The following SYTL3 variants were observed in gnomAD, a reference collection of about 807,000 sequenced individuals.
SYTL3 encodes synaptotagmin-like protein 3.
In SYTL3, 88 loss-of-function variants were observed where a neutral mutation model predicts 82.1. The observed-to-expected ratio is 1.07, with a 90% CI of 0.90 to 1.28. The LOEUF is 1.28. Ranked by LOEUF, SYTL3 falls within the 50% of genes most tolerant of loss-of-function variation. The pLI is 0.00. For synonymous variants in SYTL3, 311 were observed against 289.4 expected (o/e 1.07, Z -0.76); for missense variants, 831 against 757.6 (o/e 1.10, Z -1.14).
intron 13 of SYTL3, among the ~76,000 whole-genome samples, chr6:158,756,503 A>G (rs905983518): frequency 2.6e-5 from 4 of 152,162 alleles, no homozygotes; most frequent in Non-Finnish European, 5.9e-5. Context: ...TGAGGTCAGG[A>G]GTTCGAGACC....
Position 158,663,345 on chromosome 6 carries a change from A to G in SYTL3, c.77A>G (p.Gln26Arg). 6.2e-7 allele frequency: 1 copy of G among 1,614,018 alleles called. No individual in the cohort carries two copies. Among genetic ancestry groups the G allele is most frequent in the Non-Finnish European group, 8.5e-7 (1 of 1,180,018 alleles). Residue 26 changes from glutamine to arginine, a missense_variant, in exon 4 of 18, where the codon CAG (glutamine) becomes CGG (arginine). Physicochemically the swap from Gln to Arg is conservative, Grantham distance 43. Coordinates refer to ENST00000611299, the MANE Select transcript of SYTL3 (RefSeq NM_001242394.2). ...EAILQVLYRD[Q>R]AVQNTEEERT... ...ATTCTCCAGGTCCTGTACCGAGACC[A>G]GGCGGTTCAAAACACAGAGGAGGAG...
At chr6:158,737,297 C>T (rs1786311392) in intron 11 of SYTL3, among the ~76,000 whole-genome samples, 1 of 152,202 alleles carries the variant, frequency 6.6e-6, no homozygotes, top group Admixed American at 6.5e-5. Context: ...GTGTCAGGGC[C>T]AGGCACTGGA....
chr6:158,760,373 C>T (rs1303439301), intron 14 of SYTL3, among the ~76,000 whole-genome samples: 1 of 152,110 alleles, frequency 6.6e-6, no homozygotes, highest in African/African-American at 2.4e-5. Context: ...GTGCAGTGCC[C>T]TTGAGTCCCT....
At chr6:158,658,546 C>T (rs535871619) in intron 2 of SYTL3, among the ~76,000 whole-genome samples, 2 of 152,312 alleles carry the variant, frequency 1.3e-5, no homozygotes, top group South Asian at 2.1e-4. Flanking sequence ...CTTGATGCTA[C>T]CATAGGATGA....
rs1462562069 is a variant in SYTL3 at position 158,764,352 on chromosome 6, T to TGGC, written c.1724-138_1724-136dup. ...AGCTTTGTTGGGGTGGGAGTGGTGG[T>TGGC]GGCGGCGTCTGTCATCAGTGGTTGG... On this transcript the variant is annotated intron_variant, in intron 17 of 17. Transcript: ENST00000611299. 53 of 605,678 alleles carry TGGC rather than the reference T, an allele frequency of 8.8e-5. No individual in the cohort carries two copies. The East Asian group carries it at 1.4e-3, about 16-fold the overall frequency. The allele number at this position is 605,678 out of a possible 1,614,324, so 37.5% of individuals were successfully genotyped here. A position where few individuals can be genotyped will look rare whatever the true frequency, so the allele number is the denominator to read the frequency against.
chr6:158,758,962 C>G (rs977149052), intron 14 of SYTL3, among the ~76,000 whole-genome samples: 2 of 152,186 alleles, frequency 1.3e-5, no homozygotes, highest in Non-Finnish European at 2.9e-5. Flanking sequence ...GCCTTCCGTG[C>G]CTTCCTCTCA....
chr6:158,749,969 T>G (rs1252417052), intron 12 of SYTL3, among the ~76,000 whole-genome samples: 2 of 152,188 alleles, frequency 1.3e-5, no homozygotes, highest in Non-Finnish European at 2.9e-5. Flanking sequence ...CTTGCACATG[T>G]GCACCATGAG....
chr6:158,654,166 A>G (rs1252098319), intron 2 of SYTL3, among the ~76,000 whole-genome samples: 4 of 152,122 alleles, frequency 2.6e-5, no homozygotes, highest in Non-Finnish European at 5.9e-5. Context: ...CCCTGGTCCC[A>G]CCAGCCCTCT....
chr6:158,677,667 T>G (rs1402732926), intron 5 of SYTL3, among the ~76,000 whole-genome samples: 2 of 136,580 alleles, frequency 1.5e-5, no homozygotes, highest in Non-Finnish European at 3.0e-5. Context: ...ATCATGTCAT[T>G]GCACTCCAGC....
intron 2 of SYTL3, 109 bp from the exon 3 acceptor site, chr6:158,661,160 G>T (rs951627460): frequency 6.6e-6 from 1 of 152,274 alleles, no homozygotes; most frequent in African/African-American, 2.4e-5. Flanking sequence ...GAACTGAGGG[G>T]CAAGTTGAGA....
chr6:158,718,047 T>G, intron 9 of SYTL3, 40 bp from the exon 10 acceptor site: 1 of 1,472,632 alleles, frequency 6.8e-7, no homozygotes, highest in Non-Finnish European at 9.0e-7. Context: ...TCAGCAAAGC[T>G]GCTTGTTCCC....
At chr6:158,648,203 G>T (rs1210938785), upstream of SYTL3, among the ~76,000 whole-genome samples, 1 of 152,196 alleles carries the variant, frequency 6.6e-6, no homozygotes, top group Non-Finnish European at 1.5e-5. Context: ...TGAGGCAGGA[G>T]AATCGCTTGA....
chr6:158,703,363 G>A (rs1243296331), intron 6 of SYTL3, among the ~76,000 whole-genome samples: 2 of 151,992 alleles, frequency 1.3e-5, no homozygotes, highest in South Asian at 2.1e-4. Flanking sequence ...AAAGTCACTC[G>A]CCAGCCAGAC....
chr6:158,764,450 T>C (rs1452870156), intron 17 of SYTL3, 45 bp from the exon 18 acceptor site: 1 of 1,400,314 alleles, frequency 7.1e-7, no homozygotes, highest in Non-Finnish European at 1.0e-6. Context: ...GGGGATGAAG[T>C]GGTGCCCTCC....
chr6:158,648,020 G>A (rs1447252500), upstream of SYTL3, among the ~76,000 whole-genome samples: 11 of 152,234 alleles, frequency 7.2e-5, no homozygotes, highest in Admixed American at 6.5e-4. Context: ...GTGGCTGGGC[G>A]CAGTGGCTCA....
chr6:158,676,409 A>G (rs970347998), intron 5 of SYTL3, among the ~76,000 whole-genome samples: 1 of 152,138 alleles, frequency 6.6e-6, no homozygotes, highest in Non-Finnish European at 1.5e-5. Flanking sequence ...TTAATTCAAC[A>G]TGGATTAAAG....
At chr6:158,719,971 C>T (rs138303461) in intron 10 of SYTL3, among the ~76,000 whole-genome samples, 2 of 152,238 alleles carry the variant, frequency 1.3e-5, no homozygotes, top group South Asian at 2.1e-4. Flanking sequence ...TGTCTATAAT[C>T]CCAGCTACTA....
At chr6:158,683,215 C>CTTTTTTT (rs35183958) in intron 6 of SYTL3, among the ~76,000 whole-genome samples, 2 of 92,110 alleles carry the variant, frequency 2.2e-5, no homozygotes, top group Non-Finnish European at 4.0e-5. Flanking sequence ...GGCCCTATTC[C>CTTTTTTT]TTTTTTTTTT....
intron 6 of SYTL3, among the ~76,000 whole-genome samples, chr6:158,704,912 G>GA (rs775785590): frequency 4.0e-3 from 102 of 25,586 alleles, no homozygotes; most frequent in African/African-American, 8.8e-3. Flanking sequence ...GGGACCCAGG[G>GA]CAGGGTGACA....
Sources: gnomAD v4.1 joint callset for allele counts (sites outside exome capture counted in the v4.1 genomes callset) on GRCh38, gnomAD v4.1.1 for gene constraint, MANE v1.5 for transcripts, NCBI Gene and HGNC (gene_info 2026-07-23, HGNC 2026-07-21) for gene names.